CCDC18: variants seen among roughly 807,000 people sequenced by gnomAD.
The protein encoded by CCDC18 is coiled-coil domain containing 18, also known as coiled-coil domain-containing protein 18.
Under a neutral mutation model 196.0 loss-of-function variants are expected in CCDC18, and 157 were observed. The observed-to-expected ratio is 0.80, with a 90% CI of 0.70 to 0.91. The LOEUF (loss-of-function observed/expected upper bound fraction) is 0.91. Ranked by LOEUF, CCDC18 falls within the 40% of genes least tolerant of loss-of-function variation. CCDC18 has a pLI of 0.00. For synonymous variants in CCDC18, 482 were observed against 529.2 expected (o/e 0.91, Z 1.22); for missense variants, 1,465 against 1,611.6 (o/e 0.91, Z 1.56).
At chr1:93,236,223 T>C (rs886774662) in intron 18 of CCDC18, 25 bp from the exon 19 acceptor site, 3 of 1,542,340 alleles carry the variant, frequency 1.9e-6, no homozygotes, top group Non-Finnish European at 2.6e-6. Flanking sequence ...GAATTTAAAA[T>C]GTTTACTGAA....
intron 28 of CCDC18, among the ~76,000 whole-genome samples, chr1:93,275,507 G>A (rs1251862739): frequency 6.6e-6 from 1 of 152,002 alleles, no homozygotes; most frequent in Non-Finnish European, 1.5e-5. Flanking sequence ...ACATTGCATT[G>A]GTCTCCTATT....
intron 6 of CCDC18, among the ~76,000 whole-genome samples, chr1:93,196,358 C>T (rs1652728904): frequency 9.8e-6 from 1 of 102,052 alleles, no homozygotes; most frequent in Admixed American, 1.0e-4. Flanking sequence ...AGAAATGTTT[C>T]AGATAAATAC....
chr1:93,231,683 A>G (rs920504013), intron 17 of CCDC18, among the ~76,000 whole-genome samples: 7 of 152,318 alleles, frequency 4.6e-5, no homozygotes, highest in African/African-American at 1.7e-4. Flanking sequence ...TCTTAAAGCA[A>G]TTTTGGAGAC....
At position 93,271,643 on chromosome 1, in the gene CCDC18, T is replaced by A. The variant is rs574863163; in HGVS notation, c.4353+829T>A. The A allele has an allele frequency of 1.5e-5, 10 of 653,864 alleles. No homozygotes were observed. In the South Asian group the frequency reaches 6.8e-4, roughly 45 times the overall value. 40.5% of individuals were successfully genotyped at this position (653,864 alleles called of 1,614,324 possible). ...TGAGCCCAGGAGTTTGAGACAAGTA[T>A]GGGCAACATGGAGACCCCATCTCAA... is the stretch of plus-strand genomic sequence containing the variant. On this transcript the variant is annotated intron_variant, in intron 28 of 28. Transcript: ENST00000690025.
chr1:93,245,553 A>G (rs1661393827), intron 21 of CCDC18, among the ~76,000 whole-genome samples: 1 of 152,144 alleles, frequency 6.6e-6, no homozygotes, highest in African/African-American at 2.4e-5. Flanking sequence ...AAATTGTGTC[A>G]GTATTAAGCA....
intron 14 of CCDC18, among the ~76,000 whole-genome samples, chr1:93,218,134 C>T (rs187617441): frequency 3.9e-5 from 6 of 151,932 alleles, no homozygotes; most frequent in Non-Finnish European, 8.8e-5. Context: ...ATATCAGTTG[C>T]TTGAAGATTG....
rs1053001281 is a variant in CCDC18, at chr1:93,239,598, AAT to A, written c.2768-81_2768-80del. On this transcript the variant is annotated intron_variant, in intron 20 of 28. Transcript: ENST00000690025. ...AGTGGTATTTTGCCTCTCGTAGATG[AAT>A]ATAATTGAATATTCTTAATATATAC... 4.6e-6 allele frequency: 6 copies of A among 1,313,988 alleles called. No homozygotes were observed. The African/African-American group carries it at 9.0e-5, about 20-fold the overall frequency. The allele number at this position is 1,313,988 out of a possible 1,614,324, so 81.4% of individuals were successfully genotyped here.
intron 25 of CCDC18, 68 bp from the exon 26 acceptor site, chr1:93,258,680 G>A: frequency 7.8e-7 from 1 of 1,281,080 alleles, no homozygotes; most frequent in Non-Finnish European, 1.0e-6. Context: ...ATAATGCACT[G>A]GATTAGTTTA....
intron 10 of CCDC18, among the ~76,000 whole-genome samples, chr1:93,211,278 A>C (rs1306886804): frequency 2.5e-5 from 1 of 39,384 alleles, no homozygotes; most frequent in Non-Finnish European, 1.2e-4. Flanking sequence ...ACTCCATTAA[A>C]AAAAAAAAAA....
In CCDC18 at chr1:93,270,780, A is replaced by ACCT. The variant is rs560046022; in HGVS notation, c.4319_4320insCCT (p.Lys1440delinsAsnLeu). On this transcript the variant is annotated protein_altering_variant, in exon 28 of 29. Coordinates refer to ENST00000690025, the MANE Select transcript of CCDC18 (RefSeq NM_001378204.1). The stretch of plus-strand genomic sequence containing the variant: ...AACAAAGAAGTAAGACTATTAAAAA[A>ACCT]GTCTTCTATGCAAACAGGTGCTGGT... The ACCT allele has an allele frequency of 4.3e-4, 665 of 1,545,196 alleles. 1 individual carries two copies. Among genetic ancestry groups the ACCT allele is most frequent in the Admixed American group, 2.9e-3 (145 of 49,584 alleles).
chr1:93,211,320 T>C (rs931022371), intron 10 of CCDC18, among the ~76,000 whole-genome samples: 1 of 151,120 alleles, frequency 6.6e-6, no homozygotes, highest in African/African-American at 2.4e-5. Context: ...TTAAAAAATA[T>C]ACAGAAAAGC....
At position 93,270,705 on chromosome 1, in the gene CCDC18, G is replaced by A. The variant is rs1665167300; in HGVS notation, c.4244G>A (p.Ser1415Asn). Residue 1415 changes from serine (S) to asparagine (N), a missense_variant, in exon 28 of 29, where the codon AGT (serine) becomes AAT (asparagine). Physicochemically the swap from Ser to Asn is conservative, Grantham distance 46. Coordinates refer to ENST00000690025, the MANE Select transcript of CCDC18 (RefSeq NM_001378204.1). The stretch of plus-strand genomic sequence containing the variant: ...CTCACATATAACCTAGAAGCTGATA[G>A]TTCTGAGAATAATGACTTTAACACG... ...KPLTYNLEAD[S>N]SENNDFNTLS... 1 of 1,550,138 alleles carries A rather than the reference G, an allele frequency of 6.5e-7. No individual in the cohort carries two copies. The highest frequency in any genetic ancestry group is 1.2e-5 in the South Asian group (1 of 84,058).
At chr1:93,225,836 T>G (rs1188977048) in intron 16 of CCDC18, among the ~76,000 whole-genome samples, 2 of 152,176 alleles carry the variant, frequency 1.3e-5, no homozygotes, top group Non-Finnish European at 2.9e-5. Context: ...TGTACTCACT[T>G]TCCTATTTTT....
rs1334077716 is a variant in CCDC18, at chr1:93,256,401, T to C, written c.3409T>C (p.Leu1137=). ...GGAGGCCATAGATTTGGGGCAAGAA[T>C]TGAGGCTGACCCGGGAGCAGGTGCA... ...YKEAIDLGQE[L]RLTREQVQNS... Residue 1137 remains leucine, a synonymous_variant, in exon 25 of 29, where the codon TTG becomes CTG. Transcript: ENST00000690025. 4.3e-6 allele frequency: 7 copies of C among 1,614,102 alleles called. No homozygotes were observed. Among genetic ancestry groups the C allele is most frequent in the Non-Finnish European group, 5.9e-6 (7 of 1,179,970 alleles).
At chr1:93,203,287 A>C (rs1654142127) in intron 7 of CCDC18, among the ~76,000 whole-genome samples, 1 of 152,196 alleles carries the variant, frequency 6.6e-6, no homozygotes, top group Non-Finnish European at 1.5e-5. Flanking sequence ...TTGCATCATG[A>C]ATCAAAATAG....
rs943973954 is a variant in CCDC18, at chr1:93,234,185, C to T, written c.2460+1592C>T. 4.6e-5 allele frequency among the ~76,000 whole-genome samples: 7 copies of T among 151,020 alleles called. No individual in the cohort carries two copies. In the East Asian group the frequency reaches 7.8e-4, roughly 17 times the overall value. On this transcript the variant is annotated intron_variant, in intron 18 of 28. Transcript: ENST00000690025. Reference sequence around the variant, plus strand: ...TTTTCTTTTTTTTCTCTTTTTGAGACGTAGTCTCACTGTGTCGCCAGGCTG... The same window carrying T: ...TTTTCTTTTTTTTCTCTTTTTGAGATGTAGTCTCACTGTGTCGCCAGGCTG...
At chr1:93,215,117 T>C (rs1344794367) in intron 12 of CCDC18, 151 bp downstream of exon 12, 1 of 520,898 alleles carries the variant, frequency 1.9e-6, no homozygotes, top group Non-Finnish European at 3.4e-6. Context: ...TTTAAAATTA[T>C]ATTTGGAAAC....
intron 9 of CCDC18, 47 bp from the exon 10 acceptor site, chr1:93,210,755 G>C: frequency 7.0e-7 from 1 of 1,426,470 alleles, no homozygotes; most frequent in Non-Finnish European, 9.6e-7. Context: ...AAAAGCAAAT[G>C]CATCTCATTT....
chr1:93,247,502 C>G (rs553926499), intron 23 of CCDC18, among the ~76,000 whole-genome samples: 58 of 152,104 alleles, frequency 3.8e-4, no homozygotes, highest in Non-Finnish European at 7.1e-4. Context: ...GCCGCCTCAA[C>G]ATCCCAAGCT....
Sources: allele counts gnomAD v4.1 joint callset (sites outside exome capture counted in the v4.1 genomes callset), GRCh38; gene constraint gnomAD v4.1.1; transcripts MANE v1.5; gene names NCBI Gene and HGNC (gene_info 2026-07-23, HGNC 2026-07-21).